DGKB: variants seen among roughly 807,000 people sequenced by gnomAD.
DGKB encodes the protein diacylglycerol kinase beta.
A neutral mutation model predicts 114.3 loss-of-function variants in DGKB; 67 were observed. The observed-to-expected ratio is 0.59, with a 90% confidence interval of 0.48 to 0.72. DGKB has a LOEUF of 0.72. Among genes scored for constraint, DGKB ranks in the 30% least tolerant of loss-of-function variants. The probability of loss-of-function intolerance (pLI) is 0.00; values close to 1 mark genes in which losing one functional copy is unlikely to be tolerated. For missense variants in DGKB, 907 were observed against 975.2 expected (o/e 0.93, Z 0.93); for synonymous variants, 398 against 323.1 (o/e 1.23, Z -2.49).
At chr7:14,762,290 A>G (rs1004001313) in intron 2 of DGKB, among the ~76,000 whole-genome samples, 6 of 152,106 alleles carry the variant, frequency 3.9e-5, no homozygotes, top group African/African-American at 7.2e-5. Flanking sequence ...TTACCTTTCT[A>G]TCACCTGCTC....
At chr7:14,391,654 T>C (rs1354517126) in intron 21 of DGKB, among the ~76,000 whole-genome samples, 1 of 152,140 alleles carries the variant, frequency 6.6e-6, no homozygotes, top group Non-Finnish European at 1.5e-5. Flanking sequence ...ATCACACCAC[T>C]GAACTCTGGC....
At chr7:14,319,220 T>G (rs1807252362) in intron 23 of DGKB, among the ~76,000 whole-genome samples, 1 of 151,644 alleles carries the variant, frequency 6.6e-6, no homozygotes, top group Non-Finnish European at 1.5e-5. Context: ...CACACCAGCG[T>G]GGCACATGTA....
intron 4 of DGKB, chr7:14,750,124 G>A (rs779956465): frequency 1.9e-6 from 1 of 518,318 alleles, no homozygotes; most frequent in Non-Finnish European, 3.9e-6. Context: ...GCTCAGAAAA[G>A]TTCCTTAAAT....
chr7:14,657,277 T>A (rs962393986), intron 13 of DGKB, among the ~76,000 whole-genome samples: 1 of 133,076 alleles, frequency 7.5e-6, no homozygotes, highest in African/African-American at 2.6e-5. Flanking sequence ...CCTACACATT[T>A]AAAAAATTAA....
intron 4 of DGKB, among the ~76,000 whole-genome samples, chr7:14,747,161 G>A (rs1268270782): frequency 6.6e-6 from 1 of 150,436 alleles, no homozygotes; most frequent in East Asian, 1.9e-4. Context: ...ATTAGATAGG[G>A]CTTGCAATGT....
chr7:14,562,724 C>T (rs1038751579), intron 20 of DGKB, among the ~76,000 whole-genome samples: 3 of 152,118 alleles, frequency 2.0e-5, no homozygotes, highest in Non-Finnish European at 4.4e-5. Context: ...GTCTGTACCC[C>T]CATTGTATCT....
At chr7:14,174,772 C>G (rs1781486273) in intron 25 of DGKB, among the ~76,000 whole-genome samples, 1 of 152,108 alleles carries the variant, frequency 6.6e-6, no homozygotes, top group Non-Finnish European at 1.5e-5. Flanking sequence ...ACCACCATCA[C>G]TATCACCATT....
At chr7:14,438,234 C>T (rs953425295) in intron 21 of DGKB, among the ~76,000 whole-genome samples, 1 of 152,062 alleles carries the variant, frequency 6.6e-6, no homozygotes, top group African/African-American at 2.4e-5. Context: ...GGCTCAAGCT[C>T]TCTGCCTCGT....
intron 2 of DGKB, among the ~76,000 whole-genome samples, chr7:14,808,548 T>G (rs1440200056): frequency 2.6e-5 from 4 of 152,120 alleles, no homozygotes; most frequent in Non-Finnish European, 5.9e-5. Flanking sequence ...GACACTGAAC[T>G]TGAATCTGTC....
At chr7:14,605,000 A>ATGATTTTTT (rs1349354946) in intron 17 of DGKB, among the ~76,000 whole-genome samples, 356 of 152,252 alleles carry the variant, frequency 2.3e-3, no homozygotes, top group African/African-American at 7.9e-3. Flanking sequence ...ATTTTTTAAA[A>ATGATTTTTT]CAAACTTTTG....
chr7:14,313,327 A>C (rs1224654365), intron 23 of DGKB, among the ~76,000 whole-genome samples: 1 of 152,114 alleles, frequency 6.6e-6, no homozygotes, highest in Non-Finnish European at 1.5e-5. Flanking sequence ...AGCGACGCAG[A>C]AGACGGGTGA....
At chr7:14,632,166 G>T (rs965250358) in intron 13 of DGKB, among the ~76,000 whole-genome samples, 9 of 151,912 alleles carry the variant, frequency 5.9e-5, no homozygotes, top group African/African-American at 2.2e-4. Context: ...TGCCCAAAAA[G>T]TAAATAAATA....
At chr7:14,210,357 T>C (rs1485193441) in intron 23 of DGKB, among the ~76,000 whole-genome samples, 1 of 152,114 alleles carries the variant, frequency 6.6e-6, no homozygotes, top group East Asian at 1.9e-4. Flanking sequence ...AGCCAACTCT[T>C]CAAGACTAAT....
intron 21 of DGKB, among the ~76,000 whole-genome samples, chr7:14,473,597 C>T (rs999694820): frequency 6.6e-6 from 1 of 152,126 alleles, no homozygotes; most frequent in Non-Finnish European, 1.5e-5. Context: ...ATGATAGATC[C>T]ACCGACAGCT....
chr7:14,333,816 A>C (rs1810171158), intron 23 of DGKB, among the ~76,000 whole-genome samples: 1 of 152,212 alleles, frequency 6.6e-6, no homozygotes, highest in Non-Finnish European at 1.5e-5. Context: ...CACTTTCAAC[A>C]AAACAAATTC....
intron 21 of DGKB, among the ~76,000 whole-genome samples, chr7:14,463,044 G>T (rs1225684373): frequency 6.6e-6 from 1 of 152,112 alleles, no homozygotes; most frequent in Non-Finnish European, 1.5e-5. Context: ...GCCATATGCA[G>T]GAAACTGAAA....
chr7:14,235,955 C>A (rs78710927), intron 23 of DGKB, among the ~76,000 whole-genome samples: 1,886 of 152,106 alleles, frequency 0.012, 30 homozygotes, highest in African/African-American at 0.043. Flanking sequence ...AAAACACACA[C>A]ATGGATGCAC....
intron 1 of DGKB, among the ~76,000 whole-genome samples, chr7:14,955,200 AAATCT>A (rs1786433486): frequency 6.6e-6 from 1 of 152,112 alleles, no homozygotes; most frequent in South Asian, 2.1e-4. Context: ...TTGCAAGAAC[AAATCT>A]AATGAAAAAT....
chr7:14,198,852 G>A (rs746109078), intron 23 of DGKB, among the ~76,000 whole-genome samples: 4 of 151,964 alleles, frequency 2.6e-5, no homozygotes, highest in Non-Finnish European at 5.9e-5. Context: ...GGGATAGGGG[G>A]AACCTGGAAG....
Sources: gnomAD v4.1 joint callset for allele counts (sites outside exome capture counted in the v4.1 genomes callset) on GRCh38, gnomAD v4.1.1 for gene constraint, MANE v1.5 for transcripts, NCBI Gene and HGNC (gene_info 2026-07-23, HGNC 2026-07-21) for gene names.